SMOC2: variants seen among roughly 807,000 people sequenced by gnomAD.
The protein encoded by SMOC2 is SPARC-related modular calcium-binding protein 2.
In SMOC2, 39 loss-of-function variants were observed where a neutral mutation model predicts 61.4. The observed-to-expected ratio is 0.64, with a 90% CI of 0.49 to 0.83. SMOC2 has a LOEUF of 0.83. SMOC2 is among the 40% of genes least tolerant of loss of function. The pLI is 0.00. For missense variants in SMOC2, 556 were observed against 592.9 expected (o/e 0.94, Z 0.65); for synonymous variants, 247 against 239.9 (o/e 1.03, Z -0.27).
intron 9 of SMOC2, among the ~76,000 whole-genome samples, chr6:168,628,883 C>T (rs565026049): frequency 2.6e-5 from 4 of 152,340 alleles, no homozygotes; most frequent in East Asian, 1.9e-4. Flanking sequence ...TCGGAACACA[C>T]AGTTTCCGAC....
intron 2 of SMOC2, among the ~76,000 whole-genome samples, chr6:168,515,037 A>G (rs996410505): frequency 6.6e-6 from 1 of 152,216 alleles, no homozygotes; most frequent in African/African-American, 2.4e-5. Context: ...ACAAATGTCA[A>G]TTAAACACAG....
In SMOC2 at chr6:168,527,624, G is replaced by A. The variant is rs564318854; in HGVS notation, c.364-4G>A. On this transcript the variant is annotated splice_polypyrimidine_tract_variant and splice_region_variant and intron_variant, in intron 3 of 12. Coordinates refer to ENST00000356284, the MANE Select transcript of SMOC2 (RefSeq NM_001166412.2). The stretch of plus-strand genomic sequence containing the variant: ...GGGCTTACCCGTCCTGTGCTCTCTC[G>A]CAGGTCCAGTGTCACAGCTACACGG... 1.3e-5 allele frequency: 20 copies of A among 1,548,720 alleles called. No individual in the cohort carries two copies. Among genetic ancestry groups the A allele is most frequent in the South Asian group, 3.6e-5 (3 of 84,000 alleles).
chr6:168,559,635 T>C (rs1054414823), intron 7 of SMOC2, among the ~76,000 whole-genome samples: 1 of 152,128 alleles, frequency 6.6e-6, no homozygotes, highest in African/African-American at 2.4e-5. Context: ...GTAGTTGCAC[T>C]AAGATAAGAA....
At chr6:168,448,586 GTGATGGGGAGGACGA>G (rs1285883953) in intron 1 of SMOC2, among the ~76,000 whole-genome samples, 2 of 149,028 alleles carry the variant, frequency 1.3e-5, no homozygotes, top group Non-Finnish European at 3.0e-5. Context: ...GAGGAGGATG[GTGATGGGGAGGACGA>G]TGATGGGGAG....
intron 7 of SMOC2, among the ~76,000 whole-genome samples, chr6:168,580,589 T>C (rs1050002260): frequency 1.3e-5 from 2 of 152,232 alleles, no homozygotes; most frequent in Non-Finnish European, 2.9e-5. Flanking sequence ...TCATCCAGGC[T>C]GGAGGGCAGT....
chr6:168,652,870 G>C (rs779306805), intron 10 of SMOC2, 84 bp from the exon 11 acceptor site: 57 of 1,336,554 alleles, frequency 4.3e-5, no homozygotes, highest in Non-Finnish European at 5.7e-5. Flanking sequence ...ACAAGCAGGG[G>C]TTATGGGTTT....
chr6:168,634,797 C>T (rs895699263), intron 9 of SMOC2, among the ~76,000 whole-genome samples: 1 of 152,204 alleles, frequency 6.6e-6, no homozygotes, highest in Non-Finnish European at 1.5e-5. Context: ...GGACAGCAAA[C>T]ATTTGGGAGC....
chr6:168,554,682 A>G (rs536041750), intron 7 of SMOC2, among the ~76,000 whole-genome samples: 1 of 152,346 alleles, frequency 6.6e-6, no homozygotes, highest in South Asian at 2.1e-4. Flanking sequence ...TGTGGCTGGC[A>G]GTTAAAGGCA....
At chr6:168,522,357 CA>C (rs1378774882) in intron 2 of SMOC2, among the ~76,000 whole-genome samples, 1 of 152,140 alleles carries the variant, frequency 6.6e-6, no homozygotes, top group African/African-American at 2.4e-5. Flanking sequence ...ACTTTTTACC[CA>C]AAAGACTTGA....
chr6:168,626,757 G>A (rs939815106), intron 9 of SMOC2, among the ~76,000 whole-genome samples: 29 of 152,220 alleles, frequency 1.9e-4, no homozygotes, highest in African/African-American at 7.0e-4. Flanking sequence ...GCGCCAGGAA[G>A]TGGCATCACT....
chr6:168,512,517 A>G (rs765655295), intron 2 of SMOC2, among the ~76,000 whole-genome samples: 7 of 152,234 alleles, frequency 4.6e-5, no homozygotes, highest in Non-Finnish European at 1.0e-4. Context: ...ATTGCAAGGA[A>G]CAAAATGCAG....
intron 1 of SMOC2, among the ~76,000 whole-genome samples, chr6:168,500,840 A>AT (rs1782710741): frequency 6.6e-6 from 1 of 152,188 alleles, no homozygotes; most frequent in East Asian, 1.9e-4. Context: ...ATCCAGGGGC[A>AT]TCTCGATTCT....
intron 11 of SMOC2, among the ~76,000 whole-genome samples, chr6:168,662,128 T>G (rs916065575): frequency 2.0e-5 from 3 of 152,248 alleles, no homozygotes; most frequent in African/African-American, 4.8e-5. Context: ...TGAAGGATAC[T>G]TCCCTCATCT....
chr6:168,469,627 C>A (rs1290521702), intron 1 of SMOC2, among the ~76,000 whole-genome samples: 1 of 152,190 alleles, frequency 6.6e-6, no homozygotes, highest in Non-Finnish European at 1.5e-5. Context: ...AAATCACAAG[C>A]CTCTGCTTCT....
chr6:168,456,370 C>A (rs1013855943), intron 1 of SMOC2, among the ~76,000 whole-genome samples: 9 of 152,304 alleles, frequency 5.9e-5, no homozygotes, highest in African/African-American at 2.2e-4. Flanking sequence ...CGCGGCCATT[C>A]TCAGGCCATG....
intron 6 of SMOC2, among the ~76,000 whole-genome samples, chr6:168,548,011 G>A (rs1784045844): frequency 6.6e-6 from 1 of 152,118 alleles, no homozygotes; most frequent in Non-Finnish European, 1.5e-5. Context: ...CATTGTCTTA[G>A]GTATTTACCA....
chr6:168,445,405 A>G (rs1017210508), intron 1 of SMOC2, among the ~76,000 whole-genome samples: 10 of 152,210 alleles, frequency 6.6e-5, no homozygotes, highest in African/African-American at 2.4e-4. Flanking sequence ...ATTTGCTTTG[A>G]AAGAGAAGAA....
At chr6:168,616,347 C>T (rs1267775445) in intron 9 of SMOC2, among the ~76,000 whole-genome samples, 1 of 152,216 alleles carries the variant, frequency 6.6e-6, no homozygotes, top group Admixed American at 6.5e-5. Flanking sequence ...AGGGCACAGG[C>T]TCAGACTCTC....
chr6:168,620,413 G>A (rs528135723), intron 9 of SMOC2, among the ~76,000 whole-genome samples: 3 of 152,290 alleles, frequency 2.0e-5, no homozygotes, highest in South Asian at 4.2e-4. Flanking sequence ...TCCAGCTCCC[G>A]TACTCTGGAG....
Sources: gnomAD v4.1 joint callset for allele counts (sites outside exome capture counted in the v4.1 genomes callset) on GRCh38, gnomAD v4.1.1 for gene constraint, MANE v1.5 for transcripts, NCBI Gene and HGNC (gene_info 2026-07-23, HGNC 2026-07-21) for gene names.